The following GABRB1 variants were observed in gnomAD, a reference collection of about 807,000 sequenced individuals.
GABRB1 encodes the protein gamma-aminobutyric acid type A receptor subunit beta1.
In GABRB1, 17 loss-of-function variants were observed where a neutral mutation model predicts 51.6. The observed-to-expected ratio is 0.33, with a 90% CI of 0.23 to 0.49. The LOEUF (loss-of-function observed/expected upper bound fraction) is 0.49. GABRB1 is among the 20% of genes least tolerant of loss of function. GABRB1 has a pLI of 0.99. For missense variants in GABRB1, 410 were observed against 600.6 expected, an observed-to-expected ratio of 0.68 and a Z score of 3.32; for synonymous variants, 247 against 218.9, an observed-to-expected ratio of 1.13 and a Z score of -1.14.
chr4:47,233,192 A>G (rs1721206767), intron 4 of GABRB1, among the ~76,000 whole-genome samples: 1 of 152,046 alleles, frequency 6.6e-6, no homozygotes, highest in Non-Finnish European at 1.5e-5. Context: ...TCTTTTGTCT[A>G]TGTTTTCATA....
Position 47,014,669 on chromosome 4 carries a change from C to T in GABRB1, c.-19-17245C>T, listed in dbSNP as rs535669437. Among the ~76,000 whole-genome samples the T allele has an allele frequency of 5.9e-5, 9 of 152,220 alleles. No individual in the cohort carries two copies. In the South Asian group the frequency reaches 1.9e-3, roughly 32 times the overall value. Reference sequence around the variant, plus strand: ...CAGGTTAAGGACTTAGATTTTCCTCCTTTATTAATGTCCAAACTGAAAATA... The same window carrying T: ...CAGGTTAAGGACTTAGATTTTCCTCTTTTATTAATGTCCAAACTGAAAATA... On this transcript the variant is annotated intron_variant, in intron 1 of 3. Transcript: ENST00000513567.
At chr4:47,224,357 C>T (rs770960096) in intron 4 of GABRB1, among the ~76,000 whole-genome samples, 5 of 152,004 alleles carry the variant, frequency 3.3e-5, no homozygotes, top group Admixed American at 1.3e-4. Flanking sequence ...ACTTTATTCA[C>T]GACTATTGCA....
At chr4:47,254,379 T>G (rs1722113119) in intron 4 of GABRB1, among the ~76,000 whole-genome samples, 1 of 130,174 alleles carries the variant, frequency 7.7e-6, no homozygotes, top group Non-Finnish European at 1.6e-5. Flanking sequence ...TTTTTTTTTT[T>G]TTTTTTTTTT....
chr4:47,360,545 A>G (rs1726769928), intron 5 of GABRB1, among the ~76,000 whole-genome samples: 1 of 152,132 alleles, frequency 6.6e-6, no homozygotes, highest in South Asian at 2.1e-4. Flanking sequence ...GTAAAAGTGC[A>G]GATAAAACCT....
intron 4 of GABRB1, among the ~76,000 whole-genome samples, chr4:47,202,683 TG>T (rs1719939980): frequency 6.6e-6 from 1 of 152,162 alleles, no homozygotes. Flanking sequence ...TCATTTCCTT[TG>T]TGGGGCAAAC....
At chr4:47,118,001 T>A (rs553391397) in intron 3 of GABRB1, among the ~76,000 whole-genome samples, 1 of 152,194 alleles carries the variant, frequency 6.6e-6, no homozygotes, top group Non-Finnish European at 1.5e-5. Flanking sequence ...TCCACTTCTG[T>A]ATATTCAGCA....
chr4:47,044,314 A>G (rs1045017153), intron 3 of GABRB1, among the ~76,000 whole-genome samples: 1 of 152,190 alleles, frequency 6.6e-6, no homozygotes, highest in Non-Finnish European at 1.5e-5. Context: ...CAATCTTTTA[A>G]GTCCAGACAC....
At chr4:47,009,502 A>G (rs975931382) in intron 1 of GABRB1, among the ~76,000 whole-genome samples, 1 of 152,212 alleles carries the variant, frequency 6.6e-6, no homozygotes, top group Non-Finnish European at 1.5e-5. Context: ...CATTAAGAAC[A>G]ACATCAATTT....
intron 3 of GABRB1, among the ~76,000 whole-genome samples, chr4:47,123,345 A>G (rs1399767001): frequency 7.5e-6 from 1 of 133,058 alleles, no homozygotes; most frequent in Non-Finnish European, 1.5e-5. Flanking sequence ...ATTATATAAT[A>G]TATATTAGAT....
At chr4:47,031,392 C>G (rs142473173), upstream of GABRB1, 5 of 526,136 alleles carry the variant, frequency 9.5e-6, no homozygotes, top group African/African-American at 1.9e-5. Flanking sequence ...TACACATGCT[C>G]GTAGGATCCC....
At chr4:47,196,465 G>A (rs928798755) in intron 4 of GABRB1, among the ~76,000 whole-genome samples, 1 of 152,308 alleles carries the variant, frequency 6.6e-6, no homozygotes, top group Non-Finnish European at 1.5e-5. Flanking sequence ...ATCAGGTACA[G>A]CATGGACGGC....
intron 4 of GABRB1, among the ~76,000 whole-genome samples, chr4:47,290,398 C>T (rs1209381204): frequency 6.6e-6 from 1 of 152,106 alleles, no homozygotes; most frequent in Non-Finnish European, 1.5e-5. Flanking sequence ...AATGTAAGTC[C>T]AACATTAGTA....
intron 4 of GABRB1, among the ~76,000 whole-genome samples, chr4:47,202,329 C>A (rs1311571578): frequency 1.3e-5 from 2 of 152,070 alleles, no homozygotes; most frequent in Non-Finnish European, 2.9e-5. Context: ...CTGAGGCCTC[C>A]CCAGCCATGC....
At chr4:47,073,977 T>C (rs1489048478) in intron 3 of GABRB1, among the ~76,000 whole-genome samples, 1 of 152,208 alleles carries the variant, frequency 6.6e-6, no homozygotes, top group Non-Finnish European at 1.5e-5. Flanking sequence ...CTGACACCTG[T>C]ATTTTCTCTT....
At chr4:47,246,454 T>C (rs1373129169) in intron 4 of GABRB1, among the ~76,000 whole-genome samples, 1 of 130,204 alleles carries the variant, frequency 7.7e-6, no homozygotes, top group African/African-American at 2.9e-5. Context: ...TTGGTTCCAC[T>C]ATTTTGCAAT....
chr4:47,394,574 A>C (rs1728116009), intron 5 of GABRB1, among the ~76,000 whole-genome samples: 1 of 152,230 alleles, frequency 6.6e-6, no homozygotes, highest in Non-Finnish European at 1.5e-5. Context: ...TAAGTCAGAC[A>C]AGAAGACAGC....
intron 4 of GABRB1, among the ~76,000 whole-genome samples, chr4:47,165,068 T>G (rs907765671): frequency 1.3e-5 from 2 of 152,124 alleles, no homozygotes; most frequent in Non-Finnish European, 2.9e-5. Flanking sequence ...TTAGTCCATG[T>G]GCCATGAGCC....
At chr4:47,184,537 A>G (rs1267168213) in intron 4 of GABRB1, among the ~76,000 whole-genome samples, 2 of 151,866 alleles carry the variant, frequency 1.3e-5, no homozygotes, top group East Asian at 1.9e-4. Context: ...TTTTAGCACT[A>G]CACTGAACTA....
At chr4:47,063,480 G>A (rs1726929947) in intron 3 of GABRB1, among the ~76,000 whole-genome samples, 1 of 152,122 alleles carries the variant, frequency 6.6e-6, no homozygotes, top group African/African-American at 2.4e-5. Flanking sequence ...CAAAGCTTAA[G>A]TAAAAAGTAA....
Sources: gnomAD v4.1 joint callset for allele counts (sites outside exome capture counted in the v4.1 genomes callset) on GRCh38, gnomAD v4.1.1 for gene constraint, MANE v1.5 for transcripts, NCBI Gene and HGNC (gene_info 2026-07-23, HGNC 2026-07-21) for gene names.